Variants in ATP7B observed in about 807,000 individuals in gnomAD.
ATP7B encodes the protein copper-transporting ATPase 2.
In ATP7B, 113 loss-of-function variants were observed where a neutral mutation model predicts 118.9. The observed-to-expected ratio is 0.95, with a 90% CI of 0.82 to 1.11. The LOEUF is 1.11. Ranked by LOEUF, ATP7B falls within the 50% of genes most tolerant of loss-of-function variation. The pLI is 0.00. For synonymous variants in ATP7B, 777 were observed against 727.4 expected (o/e 1.07, Z -1.10); for missense variants, 1,867 against 1,871.4 (o/e 1.00, Z 0.04).
At chr13:51,973,319 T>C (rs1951932925) in intron 2 of ATP7B, among the ~76,000 whole-genome samples, 1 of 152,212 alleles carries the variant, frequency 6.6e-6, no homozygotes, top group Non-Finnish European at 1.5e-5. Flanking sequence ...GAGGTTCGCA[T>C]TCAAGTCAGC....
chr13:51,939,327 T>G (rs892275163), intron 16 of ATP7B, 134 bp from the exon 17 acceptor site: 1 of 1,393,462 alleles, frequency 7.2e-7, no homozygotes, highest in Non-Finnish European at 9.8e-7. Flanking sequence ...CACAATGTGG[T>G]TTTTTTGCTT....
At chr13:51,950,570 G>A (rs956865682) in intron 9 of ATP7B, among the ~76,000 whole-genome samples, 171 bp from the exon 10 acceptor site, 2 of 152,202 alleles carry the variant, frequency 1.3e-5, no homozygotes, top group African/African-American at 2.4e-5. Flanking sequence ...ACCAGGCACT[G>A]TTCTAGGCAC....
At chr13:51,963,475 C>T (rs1347233560) in intron 5 of ATP7B, among the ~76,000 whole-genome samples, 1 of 152,064 alleles carries the variant, frequency 6.6e-6, no homozygotes, top group Non-Finnish European at 1.5e-5. Context: ...GTGGCTCATG[C>T]CTGTAATCCC....
Position 51,988,601 on chromosome 13 carries a change from G to A in ATP7B, c.52-13433C>T, listed in dbSNP as rs1424216424. 5.9e-5 allele frequency among the ~76,000 whole-genome samples: 9 copies of A among 152,006 alleles called. No individual in the cohort carries two copies. The South Asian group carries it at 8.3e-4, about 14-fold the overall frequency. ...AAATCATTCTACGATAAAGACACAC[G>A]CACACATATGTTTATTGTGGCACTA... is the stretch of plus-strand genomic sequence containing the variant. On this transcript the variant is annotated intron_variant, in intron 1 of 20. Coordinates refer to ENST00000242839, the MANE Select transcript of ATP7B (RefSeq NM_000053.4).
At chr13:52,004,030 G>A (rs974674597) in intron 1 of ATP7B, among the ~76,000 whole-genome samples, 1 of 152,176 alleles carries the variant, frequency 6.6e-6, no homozygotes, top group Admixed American at 6.5e-5. Flanking sequence ...GGCCGAGGGG[G>A]GCGGATTACC....
At position 51,958,472 on chromosome 13, in the gene ATP7B, G is replaced by A. The variant is rs1958502647; in HGVS notation, c.2194C>T (p.Leu732Phe). The A allele has an allele frequency of 1.9e-6, 3 of 1,614,242 alleles. No homozygotes were observed. Among genetic ancestry groups the A allele is most frequent in the South Asian group, 2.2e-5 (2 of 91,080 alleles). Reference protein sequence around the residue: ...LRHRSANMDVLIVLATSIAYV... With the variant: ...LRHRSANMDVFIVLATSIAYV... ...GCAATGCTTGTGGCCAGGACGATGA[G>A]CACGTCCATGTTGGCTGACCTGTGT... The change falls in exon 8 of 21, where the codon CTC (leucine) becomes TTC (phenylalanine). Residue 732 changes from leucine to phenylalanine, a missense_variant. Transcript: ENST00000242839.
rs544192532 is a variant in ATP7B, at chr13:51,991,499, A to C, written c.52-16331T>G. On this transcript the variant is annotated intron_variant, in intron 1 of 20. Transcript: ENST00000242839. ...TGACACGGTGAGACCCTGTCGGGAAAAAAACAAACAAAAAAAAACAGCAGC... is the reference window on the plus strand; with the variant it reads ...TGACACGGTGAGACCCTGTCGGGAACAAAACAAACAAAAAAAAACAGCAGC... 2.0e-5 allele frequency among the ~76,000 whole-genome samples: 3 copies of C among 152,290 alleles called. No individual in the cohort carries two copies. In the South Asian group the frequency reaches 6.2e-4, roughly 32 times the overall value.
intron 1 of ATP7B, among the ~76,000 whole-genome samples, chr13:52,006,027 C>CG (rs1273138514): frequency 6.6e-6 from 1 of 152,216 alleles, no homozygotes; most frequent in Non-Finnish European, 1.5e-5. Flanking sequence ...ACAGCATGAG[C>CG]GATCTGTGCC....
chr13:51,944,425 C>T, intron 13 of ATP7B, 134 bp from the exon 14 acceptor site: 1 of 1,134,006 alleles, frequency 8.8e-7, no homozygotes, highest in Non-Finnish European at 1.3e-6. Flanking sequence ...CTAACGTGAT[C>T]CTCTGTCGTT....
intron 1 of ATP7B, among the ~76,000 whole-genome samples, chr13:51,987,300 T>C (rs1288985401): frequency 6.6e-6 from 1 of 152,156 alleles, no homozygotes; most frequent in Non-Finnish European, 1.5e-5. Context: ...ATGAGTGAAC[T>C]CCCATTCACA....
At chr13:52,006,124 T>C (rs1469724176) in intron 1 of ATP7B, among the ~76,000 whole-genome samples, 1 of 152,246 alleles carries the variant, frequency 6.6e-6, no homozygotes, top group African/African-American at 2.4e-5. Flanking sequence ...GGGATACTTT[T>C]AGTTAATGAA....
chr13:51,940,471 C>T (rs938974631), intron 16 of ATP7B, among the ~76,000 whole-genome samples: 3 of 151,196 alleles, frequency 2.0e-5, no homozygotes, highest in African/African-American at 7.3e-5. Context: ...CTGGTGAAAC[C>T]CCGTCTCTAC....
At chr13:51,961,974 T>C in intron 5 of ATP7B, 61 bp from the exon 6 acceptor site, 4 of 1,425,546 alleles carry the variant, frequency 2.8e-6, no homozygotes, top group Non-Finnish European at 9.9e-7. Context: ...AAAATATGCA[T>C]TGGCAGAAAG....
chr13:51,956,662 G>A (rs371639305), intron 9 of ATP7B, among the ~76,000 whole-genome samples: 3 of 152,164 alleles, frequency 2.0e-5, no homozygotes, highest in South Asian at 4.1e-4. Context: ...AGTCCAAAGC[G>A]AGACCACAGG....
At chr13:52,008,724 C>T (rs1457770121) in intron 1 of ATP7B, among the ~76,000 whole-genome samples, 1 of 152,202 alleles carries the variant, frequency 6.6e-6, no homozygotes, top group Non-Finnish European at 1.5e-5. Context: ...TATGGTTTCT[C>T]AACCTAGGCT....
chr13:51,944,023 C>G, intron 14 of ATP7B, 86 bp downstream of exon 14: 1 of 1,562,738 alleles, frequency 6.4e-7, no homozygotes, highest in Non-Finnish European at 8.7e-7. Context: ...AGAGAAGGCT[C>G]CTCGAGGGCA....
chr13:51,957,853 C>T, intron 8 of ATP7B: 1 of 535,058 alleles, frequency 1.9e-6, no homozygotes, highest in Non-Finnish European at 3.4e-6. Context: ...TGGAAACAAA[C>T]ATCAGTCTTC....
At chr13:51,939,421 T>A (rs1023830136) in intron 16 of ATP7B, among the ~76,000 whole-genome samples, 2 of 152,234 alleles carry the variant, frequency 1.3e-5, no homozygotes, top group African/African-American at 4.8e-5. Context: ...CCCCAAGGAA[T>A]AGGATTACGA....
chr13:51,989,542 AAG>A (rs1385399474), intron 1 of ATP7B, among the ~76,000 whole-genome samples: 2 of 152,180 alleles, frequency 1.3e-5, no homozygotes, highest in Non-Finnish European at 2.9e-5. Flanking sequence ...AAAAAAAAAA[AAG>A]TGAGTAAAAT....
Sources: gnomAD v4.1 joint callset for allele counts (sites outside exome capture counted in the v4.1 genomes callset) on GRCh38, gnomAD v4.1.1 for gene constraint, MANE v1.5 for transcripts, NCBI Gene and HGNC (gene_info 2026-07-23, HGNC 2026-07-21) for gene names.